Variants in ZNG1C observed in about 807,000 individuals in gnomAD.
ZNG1C encodes the protein zinc-regulated GTPase metalloprotein activator 1C.
chr9:68,256,490 T>G, the ZNG1C span, among the ~76,000 whole-genome samples: 1 of 115,160 alleles, frequency 8.7e-6, no homozygotes, highest in Non-Finnish European at 1.8e-5. Flanking sequence ...ATTATCTATG[T>G]TTTGTTTTCC....
chr9:68,290,300 G>A, the ZNG1C span, among the ~76,000 whole-genome samples: 1 of 130,462 alleles, frequency 7.7e-6, no homozygotes, highest in Non-Finnish European at 1.6e-5. Context: ...TGGGTGTGGT[G>A]GCTTATGCTT....
chr9:68,270,979 T>A, the ZNG1C span: 1 of 146,592 alleles, frequency 6.8e-6, no homozygotes, highest in Non-Finnish European at 1.5e-5. Context: ...TTTTGTTTTT[T>A]AAAATTTTTT....
chr9:68,264,855 A>ATATATATATATG, the ZNG1C span, among the ~76,000 whole-genome samples: 149 of 72,162 alleles, frequency 2.1e-3, no homozygotes, highest in African/African-American at 4.3e-3. Flanking sequence ...ATATATATAT[A>ATATATATATATG]TGTATAATAA....
chr9:68,287,663 A>G, the ZNG1C span, among the ~76,000 whole-genome samples: 1 of 152,292 alleles, frequency 6.6e-6, no homozygotes, highest in Non-Finnish European at 1.5e-5. Flanking sequence ...CAAATTCCAG[A>G]CATTATGTCA....
At chr9:68,256,197 T>G in the ZNG1C span, among the ~76,000 whole-genome samples, 1 of 150,818 alleles carries the variant, frequency 6.6e-6, no homozygotes, top group East Asian at 1.9e-4. Flanking sequence ...TGTCACTAAC[T>G]GGGCCTGTGA....
chr9:68,275,213 T>C, the ZNG1C span, among the ~76,000 whole-genome samples: 1 of 99,970 alleles, frequency 1.0e-5, no homozygotes, highest in African/African-American at 2.9e-5. Flanking sequence ...TCTAATACTC[T>C]TTCTATGAGA....
chr9:68,246,977 C>T, the ZNG1C span, among the ~76,000 whole-genome samples: 2,356 of 104,906 alleles, frequency 0.022, 11 homozygotes, highest in East Asian at 0.064. Flanking sequence ...GGACTACAGG[C>T]GCCCGCTACC....
the ZNG1C span, among the ~76,000 whole-genome samples, chr9:68,276,275 G>A: frequency 7.7e-4 from 101 of 130,336 alleles, no homozygotes; most frequent in African/African-American, 2.8e-3. Context: ...TCTGATGGTA[G>A]TTTCTTTTGC....
At chr9:68,288,668 T>TC in the ZNG1C span, among the ~76,000 whole-genome samples, 1 of 120,774 alleles carries the variant, frequency 8.3e-6, no homozygotes, top group African/African-American at 3.3e-5. Flanking sequence ...TTTTTTTTTT[T>TC]TTTTTTAGTA....
the ZNG1C span, among the ~76,000 whole-genome samples, chr9:68,257,917 C>T: frequency 6.9e-6 from 1 of 144,872 alleles, no homozygotes; most frequent in Non-Finnish European, 1.5e-5. Context: ...ATATATGTGG[C>T]GGGTAACTGG....
the ZNG1C span, among the ~76,000 whole-genome samples, chr9:68,275,480 C>A: frequency 7.2e-6 from 1 of 139,626 alleles, no homozygotes; most frequent in Non-Finnish European, 1.5e-5. Context: ...CCCCCCTCCC[C>A]CCAACCCACA....
At chr9:68,292,860 TC>T in the ZNG1C span, among the ~76,000 whole-genome samples, 8 of 36,494 alleles carry the variant, frequency 2.2e-4, no homozygotes, top group Admixed American at 6.2e-4. Context: ...CGCAAAAAGA[TC>T]ATCATCTAGG....
At chr9:68,264,855 A>ATATATATATATATGTGTGTG in the ZNG1C span, among the ~76,000 whole-genome samples, 1 of 72,260 alleles carries the variant, frequency 1.4e-5, no homozygotes, top group African/African-American at 5.1e-5. Flanking sequence ...ATATATATAT[A>ATATATATATATATGTGTGTG]TGTATAATAA....
At chr9:68,269,181 C>CT in the ZNG1C span, 3 of 533,038 alleles carry the variant, frequency 5.6e-6, no homozygotes, top group Non-Finnish European at 9.9e-6. Flanking sequence ...GTCTTCAAAA[C>CT]TAAGATTACA....
At chr9:68,287,530 T>C in the ZNG1C span, among the ~76,000 whole-genome samples, 3 of 152,414 alleles carry the variant, frequency 2.0e-5, no homozygotes, top group Admixed American at 6.5e-5. Flanking sequence ...TCCCAACATT[T>C]CTTTTGCCTG....
At chr9:68,257,039 T>TTTTTGTTTTTTG in the ZNG1C span, 4 of 394,954 alleles carry the variant, frequency 1.0e-5, no homozygotes, top group African/African-American at 2.0e-4. Flanking sequence ...TTTTTTTTTT[T>TTTTTGTTTTTTG]TTTTTCTGAG....
At chr9:68,290,430 G>C in the ZNG1C span, among the ~76,000 whole-genome samples, 2 of 57,068 alleles carry the variant, frequency 3.5e-5, no homozygotes, top group African/African-American at 7.2e-5. Context: ...AATTAGCCAG[G>C]CATGGTGGCA....
chr9:68,292,182 C>A, the ZNG1C span, among the ~76,000 whole-genome samples: 7 of 151,456 alleles, frequency 4.6e-5, no homozygotes, highest in African/African-American at 1.7e-4. Flanking sequence ...ATCTGAACAA[C>A]AACCTTCAGC....
At chr9:68,276,196 G>A in the ZNG1C span, among the ~76,000 whole-genome samples, 1 of 111,262 alleles carries the variant, frequency 9.0e-6, no homozygotes, top group Admixed American at 9.9e-5. Context: ...TGTAGATTCT[G>A]GATATTAGCC....
Sources: allele counts gnomAD v4.1 joint callset (sites outside exome capture counted in the v4.1 genomes callset), GRCh38; gene constraint gnomAD v4.1.1; transcripts MANE v1.5; gene names NCBI Gene and HGNC (gene_info 2026-07-23, HGNC 2026-07-21).